The following SH2B3 variants were observed in gnomAD, a reference collection of about 807,000 sequenced individuals.
SH2B3 encodes the protein SH2B adapter protein 3.
A neutral mutation model predicts 51.9 loss-of-function variants in SH2B3; 43 were observed. The ratio of observed to expected loss-of-function variants is 0.83; its 90% CI spans 0.65 to 1.07. SH2B3 has a LOEUF of 1.07. SH2B3 is among the 50% of genes least tolerant of loss of function. The pLI, the probability that SH2B3 is intolerant of heterozygous loss-of-function variation, is 0.00. For missense variants in SH2B3, 952 were observed against 834.3 expected, an observed-to-expected ratio of 1.14 and a Z score of -1.74; for synonymous variants, 396 against 376.0, an observed-to-expected ratio of 1.05 and a Z score of -0.62.
In SH2B3 at chr12:111,438,530, C is replaced by A. The variant is rs749120278; in HGVS notation, c.733-8223C>A. ...TAGGGGCAATCATCCCCTATGCCCC[C>A]CGTTACCCAGCACAAAGGATGCTTA... is the stretch of plus-strand genomic sequence containing the variant. On this transcript the variant is annotated intron_variant, in intron 2 of 7. Coordinates refer to ENST00000341259, the MANE Select transcript of SH2B3 (RefSeq NM_005475.3). This position sits in a 1 kb window ranked among gnomAD's most constrained non-coding sequence, Gnocchi z 4.2. 6.6e-6 allele frequency among the ~76,000 whole-genome samples: 1 copy of A among 152,186 alleles called. No homozygotes were observed. Among genetic ancestry groups the A allele is most frequent in the Non-Finnish European group, 1.5e-5 (1 of 68,030 alleles).
chr12:111,420,703 TG>T (rs1871477867), intron 2 of SH2B3, among the ~76,000 whole-genome samples: 1 of 152,192 alleles, frequency 6.6e-6, no homozygotes, highest in South Asian at 2.1e-4. Context: ...TGCTAGGTTC[TG>T]GGGGACCAGG....
intron 2 of SH2B3, chr12:111,443,895 A>C (rs1020396743): frequency 6.6e-6 from 1 of 152,240 alleles, no homozygotes; most frequent in Non-Finnish European, 1.5e-5. Context: ...TGAATCTTAA[A>C]ACCTAGAGGG....
rs1870638708 is a variant in SH2B3, at chr12:111,410,787, T to C, written c.-28+4510T>C. Among the ~76,000 whole-genome samples the C allele has an allele frequency of 6.6e-6, 1 of 152,158 alleles. No homozygotes were observed. The highest frequency in any genetic ancestry group is 2.4e-5 in the African/African-American group (1 of 41,442). On this transcript the variant is annotated intron_variant, in intron 1 of 7. Coordinates refer to ENST00000341259, the MANE Select transcript of SH2B3 (RefSeq NM_005475.3). The surrounding 1 kb of genome is among the most constrained non-coding windows in gnomAD (Gnocchi z 4.9). The stretch of plus-strand genomic sequence containing the variant: ...GTGGGCATCTCTGCGTCTGGCAACT[T>C]GAATGCTGTGAAAGGGCAGCAGGCC...
At chr12:111,422,520 A>G (rs1438983417) in intron 2 of SH2B3, among the ~76,000 whole-genome samples, 2 of 149,312 alleles carry the variant, frequency 1.3e-5, no homozygotes, top group East Asian at 3.9e-4. Flanking sequence ...TTTAAAAGTC[A>G]TTTCCTACCT....
At chr12:111,446,278 AC>A (rs1171538673) in intron 2 of SH2B3, among the ~76,000 whole-genome samples, 2 of 152,056 alleles carry the variant, frequency 1.3e-5, no homozygotes, top group Non-Finnish European at 2.9e-5. Flanking sequence ...ACTCCTATCC[AC>A]CCTGCAGCCC....
At chr12:111,424,955 A>T (rs749217450) in intron 2 of SH2B3, among the ~76,000 whole-genome samples, 1 of 152,106 alleles carries the variant, frequency 6.6e-6, no homozygotes, top group Non-Finnish European at 1.5e-5. Context: ...CAGGAGAGGG[A>T]GCAGATGTAA....
intron 2 of SH2B3, among the ~76,000 whole-genome samples, chr12:111,427,600 G>C (rs1872119773): frequency 6.6e-6 from 1 of 152,078 alleles, no homozygotes; most frequent in Non-Finnish European, 1.5e-5. Flanking sequence ...GACCTTCCCG[G>C]GGAGGTGGGG....
intron 2 of SH2B3, among the ~76,000 whole-genome samples, chr12:111,437,428 C>CGAT (rs1056016733): frequency 1.3e-5 from 2 of 152,196 alleles, no homozygotes; most frequent in African/African-American, 4.8e-5. Context: ...AAGGGGGGAT[C>CGAT]TGGCCCATAA....
In SH2B3 at chr12:111,435,069, G is replaced by T; in HGVS notation, c.733-11684G>T. The T allele has an allele frequency of 6.8e-7, 1 of 1,470,980 alleles. No homozygotes were observed. 91.1% of individuals were successfully genotyped at this position (1,470,980 alleles called of 1,614,324 possible). A position where few individuals can be genotyped will look rare whatever the true frequency, so the allele number is the denominator to read the frequency against. On this transcript the variant is annotated intron_variant, in intron 2 of 7. Coordinates refer to ENST00000341259, the MANE Select transcript of SH2B3 (RefSeq NM_005475.3). The surrounding 1 kb of genome is among the most constrained non-coding windows in gnomAD (Gnocchi z 4.8). The stretch of plus-strand genomic sequence containing the variant: ...GTTGTCTGGGGCTTTGGGGATCTTG[G>T]TGGTGATGAGTCCCCTCTCCTCTGG...
chr12:111,418,383 C>G lies in SH2B3; in HGVS notation c.238C>G (p.Arg80Gly). 1 of 1,506,872 alleles carries G rather than the reference C, an allele frequency of 6.6e-7. No individual in the cohort carries two copies. The highest frequency in any genetic ancestry group is 8.8e-7 in the Non-Finnish European group (1 of 1,133,976). The allele number at this position is 1,506,872 out of a possible 1,614,324, so 93.3% of individuals were successfully genotyped here. A position where few individuals can be genotyped will look rare whatever the true frequency, so the allele number is the denominator to read the frequency against. ...LFQRYFCREV[R>G]DGRAPGRDYR... ...CCAGCGCTACTTCTGCCGCGAGGTG[C>G]GCGACGGACGGGCGCCGGGCCGCGA... The change falls in exon 2 of 8, where the codon CGC (arginine) becomes GGC (glycine). Residue 80 changes from arginine (R) to glycine (G), a missense_variant. Coordinates refer to ENST00000341259, the MANE Select transcript of SH2B3 (RefSeq NM_005475.3). This position sits in a 1 kb window ranked among gnomAD's most constrained non-coding sequence, Gnocchi z 6.7.
chr12:111,450,532 A>G lies in SH2B3; in HGVS notation c.*2230A>G, dbSNP rs1398026355. The G allele has an allele frequency of 6.6e-6, 1 of 152,372 alleles. No homozygotes were observed. The highest frequency in any genetic ancestry group is 1.9e-4 in the East Asian group (1 of 5,184). 9.4% of individuals were successfully genotyped at this position (152,372 alleles called of 1,614,324 possible). A position where few individuals can be genotyped will look rare whatever the true frequency, so the allele number is the denominator to read the frequency against. ...CAGCCAGAAGTTAAACATCTGGGAT[A>G]TGACGTCTTCATGCCAGGGGCACTC... On this transcript the variant is annotated 3_prime_UTR_variant, in exon 8 of 8. Transcript: ENST00000341259.
Position 111,446,766 on chromosome 12 carries a change from A to C in SH2B3, c.746A>C (p.Lys249Thr). Reference protein sequence around the residue: ...LFDPPKSSRPKLQAACSSIQE... With the variant: ...LFDPPKSSRPTLQAACSSIQE... ...TTGGTCTCGTAGAGTTCAAGGCCCA[A>C]GCTACAAGCAGCTTGCTCCAGCATC... is the stretch of plus-strand genomic sequence containing the variant. The change falls in exon 3 of 8, where the codon AAG becomes ACG. Residue 249 changes from lysine to threonine, a missense_variant. Lys to Thr is a moderately conservative substitution (Grantham distance 78). Transcript: ENST00000341259. 6.5e-7 allele frequency: 1 copy of C among 1,546,330 alleles called. No individual in the cohort carries two copies. Among genetic ancestry groups the C allele is most frequent in the South Asian group, 1.3e-5 (1 of 79,816 alleles).
At chr12:111,424,698 G>C (rs952071703) in intron 2 of SH2B3, among the ~76,000 whole-genome samples, 1 of 152,148 alleles carries the variant, frequency 6.6e-6, no homozygotes, top group Non-Finnish European at 1.5e-5. Flanking sequence ...AGGTGGAACA[G>C]TCCGGGCGGC....
At chr12:111,414,363 G>C (rs187170793) in intron 1 of SH2B3, among the ~76,000 whole-genome samples, 62 of 152,304 alleles carry the variant, frequency 4.1e-4, no homozygotes, top group East Asian at 3.5e-3. Flanking sequence ...AGGCCAAGGT[G>C]GGAGGGCTGC....
intron 1 of SH2B3, among the ~76,000 whole-genome samples, chr12:111,411,237 C>T (rs983006759): frequency 6.7e-6 from 1 of 149,968 alleles, no homozygotes; most frequent in Non-Finnish European, 1.5e-5. Context: ...TATGGTGGCA[C>T]ATGGCTGTGG....
Position 111,449,500 on chromosome 12 carries a change from C to CAGGA in SH2B3, c.*1198_*1199insAGGA, listed in dbSNP as rs1425772492. 6.6e-6 allele frequency: 1 copy of CAGGA among 152,216 alleles called. No individual in the cohort carries two copies. The highest frequency in any genetic ancestry group is 1.5e-5 in the Non-Finnish European group (1 of 68,078). 9.4% of individuals were successfully genotyped at this position (152,216 alleles called of 1,614,324 possible). On this transcript the variant is annotated 3_prime_UTR_variant, in exon 8 of 8. Transcript: ENST00000341259. The stretch of plus-strand genomic sequence containing the variant: ...TTCACTGGATTGAGAATCTATCTAT[C>CAGGA]TCCTTGCACACATGGGCACACACAA...
intron 2 of SH2B3, among the ~76,000 whole-genome samples, chr12:111,430,813 C>T (rs1279383783): frequency 4.6e-5 from 7 of 152,122 alleles, no homozygotes; most frequent in Non-Finnish European, 1.0e-4. Context: ...TGTGTTCCTA[C>T]CCTGAAGGGC....
chr12:111,434,274 T>G (rs545439240), intron 2 of SH2B3, among the ~76,000 whole-genome samples: 2 of 152,212 alleles, frequency 1.3e-5, no homozygotes, highest in African/African-American at 4.8e-5. Flanking sequence ...AGAACATTTC[T>G]ATCACCCTAG....
At chr12:111,414,728 T>C (rs1167291081) in intron 1 of SH2B3, among the ~76,000 whole-genome samples, 2 of 152,158 alleles carry the variant, frequency 1.3e-5, no homozygotes, top group Admixed American at 1.3e-4. Context: ...GGGGCACCCT[T>C]TGTTGCCACT....
Sources: gnomAD v4.1 joint callset for allele counts (sites outside exome capture counted in the v4.1 genomes callset) on GRCh38, gnomAD v4.1.1 for gene constraint, Gnocchi (gnomAD v3.1) non-coding constraint, MANE v1.5 for transcripts, NCBI Gene and HGNC (gene_info 2026-07-23, HGNC 2026-07-21) for gene names.